ACTL8: variants seen among roughly 807,000 people sequenced by gnomAD.
The protein encoded by ACTL8 is actin-like protein 8.
In ACTL8, 3 loss-of-function variants were observed where a neutral mutation model predicts 9.3. The observed-to-expected ratio is 0.32, with a 90% CI of 0.15 to 0.83. The LOEUF (loss-of-function observed/expected upper bound fraction) is 0.83, where lower values mean the gene tolerates loss of function less well. ACTL8 is among the 40% of genes least tolerant of loss of function. ACTL8 has a pLI of 0.57. For synonymous variants in ACTL8, 224 were observed against 205.9 expected (o/e 1.09, Z -0.75); for missense variants, 381 against 492.2 (o/e 0.77, Z 2.14).
chr1:17,826,374 A>G lies in ACTL8; in HGVS notation c.956A>G (p.His319Arg). 1 of 1,614,084 alleles carries G rather than the reference A, an allele frequency of 6.2e-7. No individual in the cohort carries two copies. Among genetic ancestry groups the G allele is most frequent in the Middle Eastern group, 1.6e-4 (1 of 6,062 alleles). ...CTGTTCAGGGAGCTGATGGGGGATC[A>G]CGTCTCCTCCACCAAGGCCACAGTC... is the stretch of plus-strand genomic sequence containing the variant. ...KRLFRELMGD[H>R]VSSTKATVWE... The change falls in exon 3 of 3, where the codon CAC (histidine) becomes CGC (arginine). Residue 319 changes from histidine (H) to arginine (R), a missense_variant. His to Arg is a conservative substitution (Grantham distance 29). Coordinates refer to ENST00000375406, the MANE Select transcript of ACTL8 (RefSeq NM_030812.3). The surrounding 1 kb of genome is among the most constrained non-coding windows in gnomAD (Gnocchi z 4.5).
At chr1:17,766,603 A>T (rs935987436) in intron 1 of ACTL8, among the ~76,000 whole-genome samples, 15 of 152,186 alleles carry the variant, frequency 9.9e-5, no homozygotes, top group Admixed American at 9.2e-4. Flanking sequence ...GTGTTAATGC[A>T]TTTATTCCTC....
intron 1 of ACTL8, among the ~76,000 whole-genome samples, chr1:17,779,727 A>G (rs928746597): frequency 6.6e-6 from 1 of 152,180 alleles, no homozygotes; most frequent in Non-Finnish European, 1.5e-5. Flanking sequence ...GACAGACCAC[A>G]AGCACACAGA....
intron 1 of ACTL8, among the ~76,000 whole-genome samples, chr1:17,764,187 G>C (rs1251620042): frequency 3.9e-5 from 6 of 152,128 alleles, no homozygotes; most frequent in African/African-American, 1.4e-4. Flanking sequence ...TGACAGTGGG[G>C]CTGGCCTTAG....
At chr1:17,773,163 G>T (rs1221145786) in intron 1 of ACTL8, among the ~76,000 whole-genome samples, 1 of 152,156 alleles carries the variant, frequency 6.6e-6, no homozygotes, top group African/African-American at 2.4e-5. Context: ...AGGATTAGAG[G>T]CTTGTTCTAT....
intron 1 of ACTL8, among the ~76,000 whole-genome samples, chr1:17,755,909 G>A (rs1302399376): frequency 6.6e-6 from 1 of 151,510 alleles, no homozygotes. Context: ...AGCCTGATAT[G>A]GGGGTCTCTT....
chr1:17,769,110 C>T (rs2066065660), intron 1 of ACTL8, among the ~76,000 whole-genome samples: 1 of 152,136 alleles, frequency 6.6e-6, no homozygotes, highest in Admixed American at 6.5e-5. Context: ...TGCTACGTCG[C>T]CCAGGCCTGG....
At chr1:17,761,871 C>T (rs1274917948) in intron 1 of ACTL8, among the ~76,000 whole-genome samples, 1 of 152,040 alleles carries the variant, frequency 6.6e-6, no homozygotes, top group Admixed American at 6.6e-5. Context: ...GCGCCCGGCC[C>T]TGTTCTTAAC....
chr1:17,773,920 T>C (rs536636456), intron 1 of ACTL8, among the ~76,000 whole-genome samples: 1 of 152,144 alleles, frequency 6.6e-6, no homozygotes, highest in African/African-American at 2.4e-5. Flanking sequence ...CCACAGAGGG[T>C]GCACTAGAGT....
At chr1:17,777,194 A>G (rs865781722) in intron 1 of ACTL8, among the ~76,000 whole-genome samples, 1 of 151,806 alleles carries the variant, frequency 6.6e-6, no homozygotes, top group African/African-American at 2.4e-5. Context: ...AAAAATGCCA[A>G]TCATGTGTCT....
At chr1:17,787,370 T>C (rs1486982335) in intron 1 of ACTL8, among the ~76,000 whole-genome samples, 1 of 152,094 alleles carries the variant, frequency 6.6e-6, no homozygotes, top group Non-Finnish European at 1.5e-5. Context: ...GCTCAAGCAA[T>C]TCTCATGCTC....
At chr1:17,778,153 C>T (rs1182315475) in intron 1 of ACTL8, among the ~76,000 whole-genome samples, 1 of 152,210 alleles carries the variant, frequency 6.6e-6, no homozygotes, top group Non-Finnish European at 1.5e-5. Flanking sequence ...TTGCTCTGTG[C>T]TTAGCAGCAA....
chr1:17,798,997 C>T (rs912228562), intron 1 of ACTL8, among the ~76,000 whole-genome samples: 4 of 152,242 alleles, frequency 2.6e-5, no homozygotes, highest in Non-Finnish European at 4.4e-5. Flanking sequence ...GAGCTCTCCA[C>T]GGATGCATTC....
intron 1 of ACTL8, among the ~76,000 whole-genome samples, chr1:17,805,704 TA>T (rs2066355956): frequency 6.6e-6 from 1 of 152,208 alleles, no homozygotes; most frequent in Non-Finnish European, 1.5e-5. Flanking sequence ...CTAACAGACA[TA>T]CAGACATGCA....
At chr1:17,803,850 A>G (rs988731055) in intron 1 of ACTL8, among the ~76,000 whole-genome samples, 5 of 152,200 alleles carry the variant, frequency 3.3e-5, no homozygotes, top group African/African-American at 1.2e-4. Flanking sequence ...GACTTGGTTC[A>G]TATGTCAGCT....
intron 1 of ACTL8, among the ~76,000 whole-genome samples, chr1:17,819,668 T>C (rs1292116748): frequency 6.6e-6 from 1 of 152,238 alleles, no homozygotes; most frequent in Non-Finnish European, 1.5e-5. Flanking sequence ...ACAATTTGTA[T>C]TCTGCAAGAT....
At chr1:17,807,932 T>G (rs2066369613) in intron 1 of ACTL8, among the ~76,000 whole-genome samples, 1 of 152,170 alleles carries the variant, frequency 6.6e-6, no homozygotes, top group Non-Finnish European at 1.5e-5. Context: ...CCATGGCACG[T>G]GTATACCTGT....
At chr1:17,783,841 T>C (rs1341526519) in intron 1 of ACTL8, among the ~76,000 whole-genome samples, 5 of 152,244 alleles carry the variant, frequency 3.3e-5, no homozygotes, top group Non-Finnish European at 7.3e-5. Flanking sequence ...AGGGGATATC[T>C]TGGGCCCTTG....
intron 1 of ACTL8, among the ~76,000 whole-genome samples, chr1:17,770,898 TCAAATGC>T (rs1398528568): frequency 4.6e-5 from 7 of 151,954 alleles, no homozygotes; most frequent in African/African-American, 1.7e-4. Context: ...GACATTGGAG[TCAAATGC>T]CTGGGTTTGG....
At chr1:17,770,598 T>C (rs1379166394) in intron 1 of ACTL8, among the ~76,000 whole-genome samples, 1 of 152,134 alleles carries the variant, frequency 6.6e-6, no homozygotes, top group Non-Finnish European at 1.5e-5. Flanking sequence ...GAAAGACCTA[T>C]AGGAACCAAA....
Sources: gnomAD v4.1 joint callset for allele counts (sites outside exome capture counted in the v4.1 genomes callset) on GRCh38, gnomAD v4.1.1 for gene constraint, Gnocchi (gnomAD v3.1) non-coding constraint, MANE v1.5 for transcripts, NCBI Gene and HGNC (gene_info 2026-07-23, HGNC 2026-07-21) for gene names.